MNS1: variants seen among roughly 807,000 people sequenced by gnomAD.
MNS1 encodes the protein meiosis-specific nuclear structural protein 1.
Under a neutral mutation model 72.0 loss-of-function variants are expected in MNS1, and 63 were observed. The observed-to-expected ratio is 0.87, with a 90% CI of 0.71 to 1.08. MNS1 has a LOEUF of 1.08. Among genes scored for constraint, MNS1 ranks in the 50% least tolerant of loss-of-function variants. The pLI is 0.00. For synonymous variants in MNS1, 188 were observed against 172.1 expected, an observed-to-expected ratio of 1.09 and a Z score of -0.72; for missense variants, 604 against 562.4, an observed-to-expected ratio of 1.07 and a Z score of -0.75.
At chr15:56,433,930 G>A (rs1486275062) in intron 8 of MNS1, among the ~76,000 whole-genome samples, 3 of 151,878 alleles carry the variant, frequency 2.0e-5, no homozygotes, top group African/African-American at 4.8e-5. Context: ...TACCTTTTAT[G>A]TTCTCAATAC....
Position 56,446,884 on chromosome 15 carries a change from GC to G in MNS1, c.412del (p.Ala138GlnfsTer15). 6.2e-7 allele frequency: 1 copy of G among 1,610,546 alleles called. No homozygotes were observed. The highest frequency in any genetic ancestry group is 2.2e-5 in the East Asian group (1 of 44,712). On this transcript the variant is annotated frameshift_variant, in exon 4 of 10. Coordinates refer to ENST00000260453, the MANE Select transcript of MNS1 (RefSeq NM_018365.4). LOFTEE classifies it high-confidence loss of function. The stretch of plus-strand genomic sequence containing the variant: ...GGCATCCTTTTCAGCAATCTGAGCT[GC>G]CCTTTCTTTATTCATGTAAGCTGCT... ...LKAAYMNKERAAQIAEKDAIK... is the reference protein window; with the variant it reads ...LKAAYMNKERXAQIAEKDAIK...
chr15:56,441,578 G>T (rs1226368108), intron 7 of MNS1, among the ~76,000 whole-genome samples: 1 of 152,144 alleles, frequency 6.6e-6, no homozygotes, highest in Non-Finnish European at 1.5e-5. Flanking sequence ...TTAAACTAAA[G>T]AGTTTCTTCA....
intron 3 of MNS1, among the ~76,000 whole-genome samples, chr15:56,448,579 G>A (rs1464336520): frequency 1.3e-5 from 2 of 152,120 alleles, no homozygotes; most frequent in East Asian, 3.9e-4. Flanking sequence ...TTGTTTTTAT[G>A]TCTGTAGAGT....
In MNS1 at chr15:56,462,123, G is replaced by T. The variant is rs573926017; in HGVS notation, c.225+1903C>A. ...GGGCTCAAGAGATCCTTCCATCTTG[G>T]CCTCCCAAAGTGCTAGAATTATATG... On this transcript the variant is annotated intron_variant, in intron 2 of 9. Coordinates refer to ENST00000260453, the MANE Select transcript of MNS1 (RefSeq NM_018365.4). Among the ~76,000 whole-genome samples the T allele has an allele frequency of 1.5e-4, 23 of 151,452 alleles. No individual in the cohort carries two copies. The South Asian group carries it at 4.8e-3, about 32-fold the overall frequency.
chr15:56,431,982 C>T (rs1449052947), intron 8 of MNS1, among the ~76,000 whole-genome samples: 2 of 152,096 alleles, frequency 1.3e-5, no homozygotes, highest in African/African-American at 4.8e-5. Flanking sequence ...TAAATAATCA[C>T]ATCAAAATTC....
rs755308983 is a variant in MNS1, at chr15:56,464,028, T to C, written c.223A>G (p.Lys75Glu). 1 of 1,603,788 alleles carries C rather than the reference T, an allele frequency of 6.2e-7. No homozygotes were observed. Among genetic ancestry groups the C allele is most frequent in the Non-Finnish European group, 8.5e-7 (1 of 1,176,238 alleles). ...FELDMEEAIQ[K>E]AEENKRLKEL... ...TAACAATGAATAGTAAAACTTACCT[T>C]TTGAATGGCCTCTTCCATATCCAAC... Residue 75 changes from lysine to glutamate, a missense_variant and splice_region_variant, in exon 2 of 10, where the codon AAG (lysine) becomes GAG (glutamate). Transcript: ENST00000260453.
chr15:56,454,969 A>G (rs1158228150), intron 3 of MNS1, among the ~76,000 whole-genome samples: 1 of 152,132 alleles, frequency 6.6e-6, no homozygotes, highest in Non-Finnish European at 1.5e-5. Flanking sequence ...GCTGTTGAAC[A>G]TACTGCCATA....
At chr15:56,463,018 T>C (rs530552562) in intron 2 of MNS1, among the ~76,000 whole-genome samples, 1 of 152,302 alleles carries the variant, frequency 6.6e-6, no homozygotes, top group East Asian at 1.9e-4. Flanking sequence ...ATATCATTTT[T>C]TAAATTTGCT....
intron 1 of MNS1, 94 bp from the exon 2 acceptor site, chr15:56,464,341 G>C (rs1389506000): frequency 1.1e-6 from 1 of 895,814 alleles, no homozygotes; most frequent in East Asian, 2.5e-5. Context: ...GAAAGGATAC[G>C]AAGAGCCTGG....
intron 3 of MNS1, among the ~76,000 whole-genome samples, chr15:56,455,716 A>T (rs1464772443): frequency 1.3e-5 from 2 of 152,178 alleles, no homozygotes. Context: ...AGTATCTGGC[A>T]GTCTTTCTTG....
At chr15:56,429,326 T>C (rs2050489343) in intron 9 of MNS1, 133 bp from the exon 10 acceptor site, 1 of 605,570 alleles carries the variant, frequency 1.7e-6, no homozygotes, top group Admixed American at 3.8e-5. Context: ...TTAATGAAAC[T>C]TTAAAAAAAT....
Position 56,429,128 on chromosome 15 carries a change from T to TTGTTGATATAC in MNS1, c.1450_1460dup (p.Arg488TyrfsTer19). ...ATTTCTCTTCACAAATTTCACTCCT[T>TTGTTGATATAC]TGTTGATATACTTTCCTGAACTCTT... On this transcript the variant is annotated frameshift_variant, in exon 10 of 10. Transcript: ENST00000260453. LOFTEE classifies it high-confidence loss of function. 1 of 1,601,424 alleles carries TTGTTGATATAC rather than the reference T, an allele frequency of 6.2e-7. No individual in the cohort carries two copies. The highest frequency in any genetic ancestry group is 8.5e-7 in the Non-Finnish European group (1 of 1,174,722).
intron 3 of MNS1, among the ~76,000 whole-genome samples, chr15:56,450,334 T>C (rs994524305): frequency 6.6e-5 from 10 of 152,226 alleles, no homozygotes; most frequent in African/African-American, 2.4e-4. Context: ...ACATTCACAG[T>C]GTTCTGCAAC....
chr15:56,455,885 C>T (rs1345486542), intron 3 of MNS1, among the ~76,000 whole-genome samples: 1 of 152,004 alleles, frequency 6.6e-6, no homozygotes, highest in Non-Finnish European at 1.5e-5. Context: ...ACATTTAGTG[C>T]GTTCATATAT....
chr15:56,441,498 G>A (rs562238195), intron 7 of MNS1, among the ~76,000 whole-genome samples: 1 of 151,974 alleles, frequency 6.6e-6, no homozygotes, highest in South Asian at 2.1e-4. Context: ...CATAGGACCT[G>A]GCAAAGATTT....
At chr15:56,432,381 C>T (rs1185148898) in intron 8 of MNS1, among the ~76,000 whole-genome samples, 2 of 152,062 alleles carry the variant, frequency 1.3e-5, no homozygotes, top group South Asian at 2.1e-4. Flanking sequence ...TTTTGTCTGA[C>T]CGTATGATTT....
intron 3 of MNS1, among the ~76,000 whole-genome samples, chr15:56,448,751 CTTTTTTTTT>C (rs34366643): frequency 3.4e-5 from 4 of 117,678 alleles, no homozygotes; most frequent in Admixed American, 1.8e-4. Context: ...TTTTTAGATT[CTTTTTTTTT>C]TTTTTTTTTT....
At chr15:56,438,195 A>C (rs1282988206) in intron 7 of MNS1, among the ~76,000 whole-genome samples, 7 of 152,214 alleles carry the variant, frequency 4.6e-5, no homozygotes, top group Admixed American at 4.6e-4. Flanking sequence ...TGGAGGCATC[A>C]TGCTACCTGA....
chr15:56,429,307 T>C (rs908497412), intron 9 of MNS1, 114 bp from the exon 10 acceptor site: 1 of 656,114 alleles, frequency 1.5e-6, no homozygotes, highest in Admixed American at 3.5e-5. Flanking sequence ...ATGAAATCTA[T>C]TCAACAGATT....
Sources: allele counts gnomAD v4.1 joint callset (sites outside exome capture counted in the v4.1 genomes callset), GRCh38; gene constraint gnomAD v4.1.1; transcripts MANE v1.5; gene names NCBI Gene and HGNC (gene_info 2026-07-23, HGNC 2026-07-21).